Variants in MGAT4C observed in about 807,000 individuals in gnomAD.
The protein encoded by MGAT4C is alpha-1,3-mannosyl-glycoprotein 4-beta-N-acetylglucosaminyltransferase C.
In MGAT4C, 19 loss-of-function variants were observed where a neutral mutation model predicts 40.1. The ratio of observed to expected loss-of-function variants is 0.47; its 90% CI spans 0.33 to 0.70. The LOEUF (loss-of-function observed/expected upper bound fraction) is 0.70. Ranked by LOEUF, MGAT4C falls within the 30% of genes least tolerant of loss-of-function variation. The probability of loss-of-function intolerance (pLI) is 0.02; values close to 1 mark genes in which losing one functional copy is unlikely to be tolerated. For synonymous variants in MGAT4C, 181 were observed against 187.1 expected (o/e 0.97, Z 0.27); for missense variants, 491 against 563.2 (o/e 0.87, Z 1.30).
intron 2 of MGAT4C, among the ~76,000 whole-genome samples, chr12:86,699,784 T>C (rs933448823): frequency 2.0e-5 from 3 of 151,720 alleles, no homozygotes; most frequent in Non-Finnish European, 4.4e-5. Flanking sequence ...AAGTAGAAAA[T>C]TTATTTACCA....
intron 2 of MGAT4C, among the ~76,000 whole-genome samples, chr12:86,704,779 A>T (rs185102943): frequency 4.8e-4 from 73 of 152,308 alleles, no homozygotes; most frequent in African/African-American, 1.6e-3. Flanking sequence ...GTCTGTATGA[A>T]GGAGTGTAAC....
At chr12:86,569,486 C>T (rs1004102169) in intron 2 of MGAT4C, among the ~76,000 whole-genome samples, 1 of 151,944 alleles carries the variant, frequency 6.6e-6, no homozygotes, top group East Asian at 1.9e-4. Flanking sequence ...ATCATCTCTC[C>T]CCAGTTAGAA....
At chr12:86,391,660 C>T (rs1956162306) in intron 3 of MGAT4C, among the ~76,000 whole-genome samples, 1 of 152,036 alleles carries the variant, frequency 6.6e-6, no homozygotes, top group South Asian at 2.1e-4. Flanking sequence ...AGATCGAGAC[C>T]ATCCTGACTA....
chr12:86,628,121 C>T (rs1593058517), intron 2 of MGAT4C, among the ~76,000 whole-genome samples: 1 of 151,898 alleles, frequency 6.6e-6, no homozygotes. Context: ...GTAGCTGATT[C>T]GATCAAGTGG....
intron 1 of MGAT4C, among the ~76,000 whole-genome samples, chr12:86,090,181 A>T (rs1872640637): frequency 6.6e-6 from 1 of 151,656 alleles, no homozygotes; most frequent in Non-Finnish European, 1.5e-5. Context: ...CTTCTAAGGA[A>T]TTATCTGTTT....
chr12:86,783,257 T>C (rs556635686), intron 1 of MGAT4C, among the ~76,000 whole-genome samples: 1 of 152,144 alleles, frequency 6.6e-6, no homozygotes, highest in African/African-American at 2.4e-5. Context: ...AAATGAAAAA[T>C]TAAACCCAGA....
chr12:86,360,989 A>T (rs1955451527), intron 3 of MGAT4C, among the ~76,000 whole-genome samples: 1 of 151,958 alleles, frequency 6.6e-6, no homozygotes, highest in African/African-American at 2.4e-5. Flanking sequence ...AAACTACTTT[A>T]AAATTCATAT....
chr12:86,813,993 C>G (rs967593639), intron 1 of MGAT4C, among the ~76,000 whole-genome samples: 1 of 151,814 alleles, frequency 6.6e-6, no homozygotes, highest in Non-Finnish European at 1.5e-5. Context: ...TCACTGCAAC[C>G]TCCGCCACCC....
At chr12:86,236,281 C>T (rs1193751966) in intron 1 of MGAT4C, among the ~76,000 whole-genome samples, 1 of 152,042 alleles carries the variant, frequency 6.6e-6, no homozygotes, top group Non-Finnish European at 1.5e-5. Flanking sequence ...CAGCACTCAG[C>T]CCTCCCATAC....
intron 1 of MGAT4C, among the ~76,000 whole-genome samples, chr12:86,153,755 T>C (rs1884583847): frequency 6.6e-6 from 1 of 152,212 alleles, no homozygotes; most frequent in Non-Finnish European, 1.5e-5. Context: ...TGCTTCTCCC[T>C]TTGCCTTCTG....
intron 1 of MGAT4C, among the ~76,000 whole-genome samples, chr12:86,067,621 G>A (rs1894681244): frequency 6.6e-6 from 1 of 152,028 alleles, no homozygotes; most frequent in Admixed American, 6.6e-5. Flanking sequence ...ACGGGTTGAT[G>A]GGTGCAGCAA....
intron 2 of MGAT4C, among the ~76,000 whole-genome samples, chr12:86,478,239 G>A (rs1957875120): frequency 1.3e-5 from 2 of 152,156 alleles, no homozygotes; most frequent in Non-Finnish European, 2.9e-5. Context: ...GTAAGAATTA[G>A]AAAAGTAGTT....
chr12:86,314,114 C>G (rs1954141024), intron 4 of MGAT4C, among the ~76,000 whole-genome samples: 3 of 152,184 alleles, frequency 2.0e-5, no homozygotes, highest in Non-Finnish European at 2.9e-5. Flanking sequence ...TCAGCTTTCT[C>G]AAATATCGTT....
At chr12:86,543,607 C>T (rs1959178997) in intron 2 of MGAT4C, among the ~76,000 whole-genome samples, 1 of 151,874 alleles carries the variant, frequency 6.6e-6, no homozygotes, top group South Asian at 2.1e-4. Flanking sequence ...TAATTTTTTG[C>T]CTCTTTATTT....
intron 2 of MGAT4C, among the ~76,000 whole-genome samples, chr12:86,658,970 G>C (rs1040972008): frequency 1.3e-5 from 2 of 152,052 alleles, no homozygotes; most frequent in African/African-American, 4.8e-5. Flanking sequence ...CTGAACACCA[G>C]AGGGAAGACA....
intron 4 of MGAT4C, among the ~76,000 whole-genome samples, chr12:86,261,391 AC>A (rs1952654631): frequency 6.6e-6 from 1 of 152,168 alleles, no homozygotes; most frequent in African/African-American, 2.4e-5. Context: ...AGAGCTTGAA[AC>A]CTTAAATAAA....
intron 2 of MGAT4C, among the ~76,000 whole-genome samples, chr12:86,483,223 CA>C: frequency 6.6e-6 from 1 of 152,152 alleles, no homozygotes; most frequent in South Asian, 2.1e-4. Context: ...AACTAGCTAC[CA>C]CCCAAAAAGT....
chr12:86,214,873 G>A (rs547685951), intron 1 of MGAT4C, among the ~76,000 whole-genome samples: 86 of 152,244 alleles, frequency 5.6e-4, no homozygotes, highest in Middle Eastern at 6.8e-3. Context: ...ATGGACATTC[G>A]TTGAATGATA....
At chr12:86,669,053 A>T (rs997347602) in intron 2 of MGAT4C, among the ~76,000 whole-genome samples, 1 of 152,072 alleles carries the variant, frequency 6.6e-6, no homozygotes, top group South Asian at 2.1e-4. Context: ...CCGGACCAAC[A>T]ACCCGAGCCA....
Sources: allele counts gnomAD v4.1 joint callset (sites outside exome capture counted in the v4.1 genomes callset), GRCh38; gene constraint gnomAD v4.1.1; transcripts MANE v1.5; gene names NCBI Gene and HGNC (gene_info 2026-07-23, HGNC 2026-07-21).